Variants in C1orf167 observed in about 807,000 individuals in gnomAD.
The protein encoded by C1orf167 is uncharacterized protein C1orf167.
Under a neutral mutation model 176.5 loss-of-function variants are expected in C1orf167, and 153 were observed. The observed-to-expected ratio is 0.87, with a 90% CI of 0.76 to 0.99. C1orf167 has a LOEUF of 0.99. Ranked by LOEUF, C1orf167 falls within the 50% of genes least tolerant of loss-of-function variation. The probability of loss-of-function intolerance (pLI) is 0.00; values close to 1 mark genes in which losing one functional copy is unlikely to be tolerated. For synonymous variants in C1orf167, 594 were observed against 752.7 expected (o/e 0.79, Z 3.45); for missense variants, 1,490 against 1,817.7 (o/e 0.82, Z 3.28).
rs988863619 is a variant in C1orf167 at position 11,788,706 on chromosome 1, C to T, written c.4133C>T (p.Ala1378Val). The change falls in exon 20 of 21, where the codon GCG becomes GTG. Residue 1378 changes from alanine to valine, a missense_variant. Transcript: ENST00000688073. ...GCAGACGTGGTGGCAGCGGATCCTGCGACTGCGAGTGGCTCAGCAGTTACA... is the reference window on the plus strand; with the variant it reads ...GCAGACGTGGTGGCAGCGGATCCTGTGACTGCGAGTGGCTCAGCAGTTACA... Reference protein sequence around the residue: ...GLADVVAADPATASGSAVTAA... With the variant: ...GLADVVAADPVTASGSAVTAA... 2.9e-5 allele frequency: 38 copies of T among 1,304,234 alleles called. No homozygotes were observed. The highest frequency in any genetic ancestry group is 5.5e-5 in the East Asian group (1 of 18,028). The allele number at this position is 1,304,234 out of a possible 1,614,324, so 80.8% of individuals were successfully genotyped here.
intron 15 of C1orf167, 62 bp from the exon 16 acceptor site, chr1:11,785,086 G>C (rs1251233468): frequency 1.7e-6 from 2 of 1,201,996 alleles, no homozygotes; most frequent in African/African-American, 1.6e-5. Flanking sequence ...GCACTGGGGG[G>C]GCTCCCTGCA....
At chr1:11,772,050 C>T in intron 7 of C1orf167, 32 bp from the exon 8 acceptor site, 1 of 1,282,902 alleles carries the variant, frequency 7.8e-7, no homozygotes, top group Non-Finnish European at 1.0e-6. Context: ...TGCTTACTCT[C>T]TCTTTTCTCT....
At chr1:11,788,088 TG>T in intron 18 of C1orf167, 41 bp downstream of exon 18, 1 of 1,280,530 alleles carries the variant, frequency 7.8e-7, no homozygotes, top group Non-Finnish European at 1.0e-6. Flanking sequence ...GTCCGAGGGA[TG>T]GGGGCAAGGG....
At chr1:11,774,416 A>G (rs1485487395) in intron 8 of C1orf167, among the ~76,000 whole-genome samples, 2 of 152,198 alleles carry the variant, frequency 1.3e-5, no homozygotes, top group East Asian at 1.9e-4. Context: ...TGAAGAAATC[A>G]ACTTGCTTGC....
chr1:11,785,329 C>A (rs760018215), intron 16 of C1orf167, 40 bp downstream of exon 16: 2 of 1,245,086 alleles, frequency 1.6e-6, no homozygotes, highest in Admixed American at 2.5e-5. Flanking sequence ...GCTCTGGCCC[C>A]GGATGGCCAG....
intron 8 of C1orf167, 110 bp downstream of exon 8, chr1:11,772,369 A>G (rs1384696373): frequency 2.7e-5 from 26 of 967,892 alleles, no homozygotes; most frequent in Non-Finnish European, 3.6e-5. Context: ...GGCTCAAGCA[A>G]TCCTCCCACC....
intron 1 of C1orf167, among the ~76,000 whole-genome samples, chr1:11,763,429 T>C (rs987787882): frequency 3.9e-5 from 5 of 127,858 alleles, no homozygotes; most frequent in Non-Finnish European, 8.0e-5. Context: ...GGTGGCAAAG[T>C]GAGACTCCGG....
chr1:11,772,398 G>A, intron 8 of C1orf167, 139 bp downstream of exon 8: 1 of 736,996 alleles, frequency 1.4e-6, no homozygotes, highest in Non-Finnish European at 1.9e-6. Flanking sequence ...TCGAGTAGCT[G>A]GGACCATAAG....
Position 11,784,155 on chromosome 1 carries a change from C to T in C1orf167, c.3006-19C>T. The stretch of plus-strand genomic sequence containing the variant: ...CAAGCATGAGCCACCACACCTGGCC[C>T]AATGTGTCTGTTTTGCAGCTACTTC... On this transcript the variant is annotated intron_variant, in intron 14 of 20. Transcript: ENST00000688073. 2.5e-6 allele frequency: 3 copies of T among 1,216,806 alleles called. No homozygotes were observed. Among genetic ancestry groups the T allele is most frequent in the South Asian group, 1.5e-5 (1 of 66,344 alleles). 75.4% of individuals were successfully genotyped at this position (1,216,806 alleles called of 1,614,324 possible).
chr1:11,775,180 T>C (rs549055702), intron 8 of C1orf167, among the ~76,000 whole-genome samples: 7 of 152,124 alleles, frequency 4.6e-5, no homozygotes, highest in Non-Finnish European at 8.8e-5. Context: ...TCCCAGCTAC[T>C]TGGGAGGCTG....
In C1orf167 at chr1:11,787,912, G is replaced by T; in HGVS notation, c.3713G>T (p.Trp1238Leu). Reference sequence around the variant, plus strand: ...TCCCTCTGCCCTGCCTTCCAGCTCTGGCCACAGTGGCCTGGACAGAGTAGC... The same window carrying T: ...TCCCTCTGCCCTGCCTTCCAGCTCTTGCCACAGTGGCCTGGACAGAGTAGC... ...EHSLCPAFQLWPQWPGQSSWV... is the reference protein window; with the variant it reads ...EHSLCPAFQLLPQWPGQSSWV... The change falls in exon 18 of 21, where the codon TGG (tryptophan) becomes TTG (leucine). Residue 1238 changes from tryptophan to leucine, a missense_variant. Trp to Leu is a moderately conservative substitution (Grantham distance 61). Coordinates refer to ENST00000688073, the MANE Select transcript of C1orf167 (RefSeq NM_001010881.2). 1 of 1,271,934 alleles carries T rather than the reference G, an allele frequency of 7.9e-7. No homozygotes were observed. Among genetic ancestry groups the T allele is most frequent in the Non-Finnish European group, 1.0e-6 (1 of 974,362 alleles). The allele number at this position is 1,271,934 out of a possible 1,614,324, so 78.8% of individuals were successfully genotyped here.
At chr1:11,788,612 C>A (rs1458124450) in intron 19 of C1orf167, 40 bp from the exon 20 acceptor site, 1 of 1,289,224 alleles carries the variant, frequency 7.8e-7, no homozygotes, top group Non-Finnish European at 1.0e-6. Flanking sequence ...TGCGGGGGAG[C>A]GTGAGCACAA....
At chr1:11,764,096 C>T (rs1487030651) in intron 1 of C1orf167, among the ~76,000 whole-genome samples, 4 of 152,016 alleles carry the variant, frequency 2.6e-5, no homozygotes, top group Non-Finnish European at 4.4e-5. Flanking sequence ...GCAGATCAGC[C>T]GAGAGGTCTG....
At position 11,768,765 on chromosome 1, in the gene C1orf167, G is replaced by A. The variant is rs1323526732; in HGVS notation, c.1543-208G>A. 2.6e-5 allele frequency among the ~76,000 whole-genome samples: 4 copies of A among 152,118 alleles called. No individual in the cohort carries two copies. The highest frequency in any genetic ancestry group is 2.1e-4 in the South Asian group (1 of 4,820). On this transcript the variant is annotated intron_variant, in intron 5 of 20. Transcript: ENST00000688073. The surrounding 1 kb of genome is among the most constrained non-coding windows in gnomAD (Gnocchi z 4.5). Reference sequence around the variant, plus strand: ...GCAGCTTTCATCTTTTAAGGAAAGCGTTGCCTCTTGGGATGCATCGCTCTA... The same window carrying A: ...GCAGCTTTCATCTTTTAAGGAAAGCATTGCCTCTTGGGATGCATCGCTCTA...
chr1:11,781,770 C>T (rs573153155), intron 13 of C1orf167, among the ~76,000 whole-genome samples: 13 of 152,080 alleles, frequency 8.5e-5, no homozygotes, highest in Non-Finnish European at 1.5e-4. Context: ...ATTAGCCAGG[C>T]GTGGTAGTGT....
At position 11,768,210 on chromosome 1, in the gene C1orf167, G is replaced by A. The variant is rs1213000476; in HGVS notation, c.1477G>A (p.Glu493Lys). The A allele has an allele frequency of 2.3e-6, 3 of 1,289,670 alleles. No individual in the cohort carries two copies. The highest frequency in any genetic ancestry group is 2.3e-5 in the Admixed American group (1 of 43,548). The allele number at this position is 1,289,670 out of a possible 1,614,324, so 79.9% of individuals were successfully genotyped here. The change falls in exon 5 of 21, where the codon GAG becomes AAG. Residue 493 changes from glutamate to lysine, a missense_variant. By Grantham distance (56) the Glu-to-Lys change is moderately conservative. Transcript: ENST00000688073. This position sits in a 1 kb window ranked among gnomAD's most constrained non-coding sequence, Gnocchi z 4.5. ...RKCLQALWLREAQLEAAWGQY... is the reference protein window; with the variant it reads ...RKCLQALWLRKAQLEAAWGQY... The stretch of plus-strand genomic sequence containing the variant: ...GTGCCTTCAGGCCTTGTGGCTCCGG[G>A]AGGCTCAGCTGGAGGCAGCATGGGG...
At chr1:11,786,263 C>CA (rs1293812926) in intron 16 of C1orf167, 1 of 152,232 alleles carries the variant, frequency 6.6e-6, no homozygotes, top group African/African-American at 2.4e-5. Context: ...CAAAAAATGA[C>CA]ACTGCACAGC....
intron 15 of C1orf167, 22 bp from the exon 16 acceptor site, chr1:11,785,126 C>T (rs1350347663): frequency 7.8e-7 from 1 of 1,277,084 alleles, no homozygotes; most frequent in South Asian, 1.2e-5. Context: ...GCCCTGGCTG[C>T]AGACTCCTTC....
In C1orf167 at chr1:11,789,301, C is replaced by T. The variant is rs112233669; in HGVS notation, c.4205C>T (p.Ala1402Val). ...AAGAAGTGGCACCAACGCCTGGCAG[C>T]CAGGAGCCCAAGGAGAGGAGCTGCC... ...AFKKWHQRLA[A>V]RSPRRGAASS... The change falls in exon 21 of 21, where the codon GCC (alanine) becomes GTC (valine). Residue 1402 changes from alanine (A) to valine (V), a missense_variant. Ala to Val is a moderately conservative substitution (Grantham distance 64). Coordinates refer to ENST00000688073, the MANE Select transcript of C1orf167 (RefSeq NM_001010881.2). The T allele has an allele frequency of 1.5e-6, 2 of 1,303,966 alleles. No homozygotes were observed. The highest frequency in any genetic ancestry group is 3.0e-5 in the African/African-American group (2 of 65,834). 80.8% of individuals were successfully genotyped at this position (1,303,966 alleles called of 1,614,324 possible). A position where few individuals can be genotyped will look rare whatever the true frequency, so the allele number is the denominator to read the frequency against.
Sources: allele counts gnomAD v4.1 joint callset (sites outside exome capture counted in the v4.1 genomes callset), GRCh38; gene constraint gnomAD v4.1.1; non-coding constraint Gnocchi (gnomAD v3.1); transcripts MANE v1.5; gene names NCBI Gene and HGNC (gene_info 2026-07-23, HGNC 2026-07-21).